The following MAF variants were observed in gnomAD, a reference collection of about 807,000 sequenced individuals.
MAF encodes the protein transcription factor Maf.
In MAF, 10 loss-of-function variants were observed where a neutral mutation model predicts 22.0. That is an observed-to-expected ratio of 0.45 (90% CI 0.28 to 0.77). MAF has a LOEUF of 0.77. MAF is among the 30% of genes least tolerant of loss of function. The probability of loss-of-function intolerance (pLI) is 0.12; values close to 1 mark genes in which losing one functional copy is unlikely to be tolerated. For missense variants in MAF, 544 were observed against 548.4 expected (o/e 0.99, Z 0.08); for synonymous variants, 337 against 255.8 (o/e 1.32, Z -3.03).
chr16:79,532,782 A>G, the MAF span, among the ~76,000 whole-genome samples: 1 of 152,190 alleles, frequency 6.6e-6, no homozygotes, highest in African/African-American at 2.4e-5. Flanking sequence ...AAAATAACAC[A>G]AAAGAATCAC....
the MAF span, among the ~76,000 whole-genome samples, chr16:79,311,923 C>T: frequency 6.6e-6 from 1 of 152,128 alleles, no homozygotes; most frequent in East Asian, 1.9e-4. Flanking sequence ...TCAACTAGCC[C>T]ATGGTAGTGA....
At chr16:79,505,106 A>G in the MAF span, among the ~76,000 whole-genome samples, 4 of 152,212 alleles carry the variant, frequency 2.6e-5, no homozygotes, top group African/African-American at 9.6e-5. Context: ...TCTTACCTAC[A>G]AGGTAAGTTA....
the MAF span, among the ~76,000 whole-genome samples, chr16:79,483,809 T>A: frequency 6.6e-6 from 1 of 151,984 alleles, no homozygotes; most frequent in Non-Finnish European, 1.5e-5. Context: ...AAGAATAAGG[T>A]CTCCATCCTG....
chr16:79,556,539 G>T, the MAF span, among the ~76,000 whole-genome samples: 1 of 152,206 alleles, frequency 6.6e-6, no homozygotes, highest in South Asian at 2.1e-4. Flanking sequence ...GTGTTAAAAG[G>T]ATTGGACCCA....
At chr16:79,589,868 G>A (rs778568266), downstream of MAF, among the ~76,000 whole-genome samples, 5 of 152,206 alleles carry the variant, frequency 3.3e-5, no homozygotes, top group African/African-American at 4.8e-5. Flanking sequence ...CCCGGGCGCC[G>A]GGCGGCGTCG....
At chr16:79,315,015 C>T in the MAF span, among the ~76,000 whole-genome samples, 3 of 152,316 alleles carry the variant, frequency 2.0e-5, no homozygotes, top group African/African-American at 7.2e-5. Flanking sequence ...AAGACGGGGG[C>T]CCTTGCTGTG....
chr16:79,269,711 G>A, the MAF span, among the ~76,000 whole-genome samples: 1 of 152,152 alleles, frequency 6.6e-6, no homozygotes, highest in Non-Finnish European at 1.5e-5. Context: ...AAGGTCGGGG[G>A]CTGTCCCTGC....
At chr16:79,289,484 G>T in the MAF span, among the ~76,000 whole-genome samples, 2 of 152,168 alleles carry the variant, frequency 1.3e-5, no homozygotes, top group African/African-American at 4.8e-5. Context: ...AGGTTTTTGG[G>T]GTTGGGAGGA....
At chr16:79,575,122 C>G in the MAF span, among the ~76,000 whole-genome samples, 4 of 151,896 alleles carry the variant, frequency 2.6e-5, no homozygotes, top group Admixed American at 6.6e-5. Context: ...TTTAAAGTCC[C>G]ACAAACCAGT....
the MAF span, among the ~76,000 whole-genome samples, chr16:79,286,108 T>C: frequency 6.6e-6 from 1 of 152,238 alleles, no homozygotes; most frequent in African/African-American, 2.4e-5. Flanking sequence ...GATAGGCATC[T>C]GGGTGATATG....
At chr16:79,378,967 G>C in the MAF span, among the ~76,000 whole-genome samples, 1 of 152,078 alleles carries the variant, frequency 6.6e-6, no homozygotes, top group Non-Finnish European at 1.5e-5. Context: ...ATTTTAATTT[G>C]GATTAGAGTA....
chr16:79,269,509 C>A, the MAF span, among the ~76,000 whole-genome samples: 3 of 151,988 alleles, frequency 2.0e-5, no homozygotes, highest in Non-Finnish European at 2.9e-5. Flanking sequence ...TGAGCCAACA[C>A]CCCTGTCTTG....
At chr16:79,566,351 G>A in the MAF span, among the ~76,000 whole-genome samples, 4 of 152,170 alleles carry the variant, frequency 2.6e-5, no homozygotes, top group African/African-American at 9.7e-5. Flanking sequence ...GGGAATGGTC[G>A]GAGGGGCCTG....
chr16:79,232,071 T>A, the MAF span, among the ~76,000 whole-genome samples: 2 of 152,010 alleles, frequency 1.3e-5, no homozygotes, highest in Non-Finnish European at 2.9e-5. Context: ...CAAGTGGTAA[T>A]GTGAGCAATG....
chr16:79,220,598 C>T, the MAF span, among the ~76,000 whole-genome samples: 2 of 152,026 alleles, frequency 1.3e-5, no homozygotes, highest in Non-Finnish European at 2.9e-5. Context: ...AATTTCTACC[C>T]TTTACCACCA....
chr16:79,540,766 C>T, the MAF span, among the ~76,000 whole-genome samples: 1 of 152,156 alleles, frequency 6.6e-6, no homozygotes, highest in Non-Finnish European at 1.5e-5. Flanking sequence ...AGCATCAGGA[C>T]TCACCCTCTT....
the MAF span, among the ~76,000 whole-genome samples, chr16:79,322,949 G>A: frequency 6.6e-6 from 1 of 151,732 alleles, no homozygotes; most frequent in African/African-American, 2.4e-5. Flanking sequence ...AGGAGATCAA[G>A]ACCATCCTGG....
chr16:79,471,148 G>C, the MAF span, among the ~76,000 whole-genome samples: 40 of 152,320 alleles, frequency 2.6e-4, no homozygotes, highest in East Asian at 7.3e-3. Flanking sequence ...TCCCACGCCT[G>C]TGGAGGAAGG....
At chr16:79,462,537 G>T in the MAF span, among the ~76,000 whole-genome samples, 1 of 152,174 alleles carries the variant, frequency 6.6e-6, no homozygotes, top group African/African-American at 2.4e-5. Context: ...CTTGCCAAGG[G>T]TGTTCACACA....
Sources: allele counts gnomAD v4.1 joint callset (sites outside exome capture counted in the v4.1 genomes callset), GRCh38; gene constraint gnomAD v4.1.1; transcripts MANE v1.5; gene names NCBI Gene and HGNC (gene_info 2026-07-23, HGNC 2026-07-21).